The following FRMPD4 variants were observed in gnomAD, a reference collection of about 807,000 sequenced individuals.
The protein encoded by FRMPD4 is FERM and PDZ domain-containing protein 4.
A neutral mutation model predicts 94.1 loss-of-function variants in FRMPD4; 22 were observed. The ratio of observed to expected loss-of-function variants is 0.23; its 90% confidence interval spans 0.17 to 0.33. The LOEUF is 0.33. FRMPD4 is among the 10% of genes least tolerant of loss of function. FRMPD4 has a pLI of 1.00. For synonymous variants in FRMPD4, 631 were observed against 548.6 expected, an observed-to-expected ratio of 1.15 and a Z score of -2.10; for missense variants, 1,111 against 1,339.9, an observed-to-expected ratio of 0.83 and a Z score of 2.67.
intron 1 of FRMPD4, among the ~76,000 whole-genome samples, chrX:12,251,422 A>G (rs945209539): frequency 2.7e-5 from 3 of 112,297 alleles, no homozygotes; most frequent in African/African-American, 9.7e-5. Context: ...CAGCCCGTAC[A>G]CACAAACACA....
intron 4 of FRMPD4, among the ~76,000 whole-genome samples, chrX:12,660,660 A>G (rs2059704256): frequency 8.9e-6 from 1 of 112,230 alleles, no homozygotes; most frequent in Admixed American, 9.5e-5. Flanking sequence ...TTTTGGGAAG[A>G]TGATGTTCTA....
intron 1 of FRMPD4, among the ~76,000 whole-genome samples, chrX:12,446,137 C>T (rs1323676332): frequency 8.9e-6 from 1 of 112,028 alleles, no homozygotes; most frequent in Non-Finnish European, 1.9e-5. Flanking sequence ...CTATCTAGAC[C>T]ACTGACTTTT....
chrX:12,677,787 A>G (rs758103419), intron 5 of FRMPD4, among the ~76,000 whole-genome samples: 1 of 111,942 alleles, frequency 8.9e-6, no homozygotes, highest in East Asian at 2.8e-4. Flanking sequence ...TTGATCTCCA[A>G]TGAGACCTAG....
intron 3 of FRMPD4, among the ~76,000 whole-genome samples, chrX:11,881,937 A>G (rs2053815913): frequency 8.9e-6 from 1 of 111,844 alleles, no homozygotes; most frequent in Non-Finnish European, 1.9e-5. Flanking sequence ...CCAGCTTGAC[A>G]TGCCAGGCTG....
chrX:12,025,973 G>T, intron 3 of FRMPD4, among the ~76,000 whole-genome samples: 1 of 111,234 alleles, frequency 9.0e-6, no homozygotes. Context: ...CTCATTTTGG[G>T]GGTAATTTGT....
At chrX:12,161,669 A>G (rs1462885176) in intron 1 of FRMPD4, among the ~76,000 whole-genome samples, 1 of 111,826 alleles carries the variant, frequency 8.9e-6, no homozygotes, top group Non-Finnish European at 1.9e-5. Context: ...ACCACTTTCT[A>G]TACTGTAGAA....
chrX:12,195,449 G>C (rs140732308), intron 1 of FRMPD4, among the ~76,000 whole-genome samples: 1 of 112,151 alleles, frequency 8.9e-6, no homozygotes, highest in Non-Finnish European at 1.9e-5. Flanking sequence ...CAGGCTTGCC[G>C]TGTTTGTCCC....
At chrX:12,406,465 A>G (rs1034177435) in intron 1 of FRMPD4, among the ~76,000 whole-genome samples, 1 of 112,180 alleles carries the variant, frequency 8.9e-6, no homozygotes, top group African/African-American at 3.2e-5. Flanking sequence ...CCCTATTATT[A>G]TTTAAAAAAT....
At chrX:12,097,164 T>C (rs1312191815) in intron 3 of FRMPD4, among the ~76,000 whole-genome samples, 2 of 111,971 alleles carry the variant, frequency 1.8e-5, no homozygotes, top group Non-Finnish European at 3.8e-5. Flanking sequence ...ATAGCAGCAA[T>C]AGAATCAGAA....
chrX:11,911,908 C>A (rs973928820), intron 3 of FRMPD4, among the ~76,000 whole-genome samples: 2 of 112,024 alleles, frequency 1.8e-5, no homozygotes, highest in African/African-American at 6.5e-5. Context: ...GGAAGATGGG[C>A]AGCCAAGATC....
At chrX:11,959,012 A>T (rs1441851382) in intron 3 of FRMPD4, among the ~76,000 whole-genome samples, 1 of 112,540 alleles carries the variant, frequency 8.9e-6, no homozygotes, top group East Asian at 2.8e-4. Context: ...CCCTACCAAA[A>T]CCAAAAATCA....
rs375248114 is a variant in FRMPD4 at position 12,208,392 on chromosome X, T to C, written c.41+69380T>C. On this transcript the variant is annotated intron_variant, in intron 1 of 16. Coordinates refer to ENST00000675598, the MANE Select transcript of FRMPD4 (RefSeq NM_001368397.1). ...AAGACTACTATAATGTGTTTGAAGG[T>C]TTCTAGGAAAAAATGGATATAGTGG... Among the ~76,000 whole-genome samples, 9 of 110,224 alleles carry C rather than the reference T, an allele frequency of 8.2e-5. No individual in the cohort carries two copies. The East Asian group carries it at 2.3e-3, about 28-fold the overall frequency.
At chrX:12,053,522 G>A (rs775257662) in intron 3 of FRMPD4, among the ~76,000 whole-genome samples, 1 of 108,705 alleles carries the variant, frequency 9.2e-6, no homozygotes, top group South Asian at 4.0e-4. Flanking sequence ...AAGGAAAGAA[G>A]GAAGGAAGGA....
chrX:12,257,745 T>A (rs377193331), intron 1 of FRMPD4, among the ~76,000 whole-genome samples: 1 of 111,762 alleles, frequency 8.9e-6, no homozygotes. Flanking sequence ...CAACGCTTGT[T>A]TTAGGTACCC....
At chrX:12,579,302 T>TA (rs1475630509) in intron 2 of FRMPD4, among the ~76,000 whole-genome samples, 1 of 112,713 alleles carries the variant, frequency 8.9e-6, no homozygotes, top group African/African-American at 3.2e-5. Context: ...TCAGACTTCT[T>TA]ACAATGCAAC....
At chrX:12,467,464 C>T (rs2057461537) in intron 1 of FRMPD4, among the ~76,000 whole-genome samples, 1 of 112,228 alleles carries the variant, frequency 8.9e-6, no homozygotes, top group Non-Finnish European at 1.9e-5. Flanking sequence ...CTCTGATTGA[C>T]ATTTTAACTG....
chrX:11,859,701 G>T, intron 1 of FRMPD4, among the ~76,000 whole-genome samples: 1 of 111,833 alleles, frequency 8.9e-6, no homozygotes, highest in Non-Finnish European at 1.9e-5. Flanking sequence ...TGCTTTTTGG[G>T]TTATTTCTAC....
chrX:11,844,901 A>G (rs925536410), intron 1 of FRMPD4, among the ~76,000 whole-genome samples: 1 of 111,179 alleles, frequency 9.0e-6, no homozygotes, highest in Non-Finnish European at 1.9e-5. Flanking sequence ...AATCTTTTTT[A>G]CCCTCTGTTC....
At chrX:12,478,373 A>G (rs1235578837) in intron 1 of FRMPD4, among the ~76,000 whole-genome samples, 1 of 111,797 alleles carries the variant, frequency 8.9e-6, no homozygotes, top group African/African-American at 3.3e-5. Flanking sequence ...CAGGAGTCCA[A>G]GACCAGCCTG....
Sources: allele counts gnomAD v4.1 joint callset (sites outside exome capture counted in the v4.1 genomes callset), GRCh38; gene constraint gnomAD v4.1.1; transcripts MANE v1.5; gene names NCBI Gene and HGNC (gene_info 2026-07-23, HGNC 2026-07-21).